RGS6: variants seen among roughly 807,000 people sequenced by gnomAD.
The protein encoded by RGS6 is regulator of G protein signaling 6, also known as regulator of G-protein signaling 6.
Under a neutral mutation model 78.5 loss-of-function variants are expected in RGS6, and 30 were observed. The ratio of observed to expected loss-of-function variants is 0.38; its 90% CI spans 0.29 to 0.52. The LOEUF is 0.52. RGS6 is among the 20% of genes least tolerant of loss of function. RGS6 has a pLI of 0.85. For missense variants in RGS6, 495 were observed against 609.7 expected (o/e 0.81, Z 1.98); for synonymous variants, 206 against 206.0 (o/e 1.00, Z 0.00).
At chr14:72,049,631 G>T (rs1446617960) in intron 2 of RGS6, among the ~76,000 whole-genome samples, 1 of 152,148 alleles carries the variant, frequency 6.6e-6, no homozygotes. Flanking sequence ...ACACAGAGTG[G>T]CTGGCTACTG....
At chr14:72,169,114 G>A (rs2096972562) in intron 2 of RGS6, among the ~76,000 whole-genome samples, 1 of 152,182 alleles carries the variant, frequency 6.6e-6, no homozygotes, top group Admixed American at 6.5e-5. Context: ...GTTATTCTTT[G>A]GGTGAAACAG....
At chr14:72,539,316 G>A (rs1567082814) in intron 16 of RGS6, among the ~76,000 whole-genome samples, 1 of 152,128 alleles carries the variant, frequency 6.6e-6, no homozygotes, top group African/African-American at 2.4e-5. Context: ...CAGGTGTTAT[G>A]TCACCTTTTG....
intron 3 of RGS6, among the ~76,000 whole-genome samples, chr14:72,390,490 T>C (rs924178293): frequency 9.9e-5 from 15 of 152,098 alleles, no homozygotes; most frequent in African/African-American, 3.6e-4. Context: ...CAAAAAGATT[T>C]AGTGGGAAGA....
chr14:71,962,040 A>G (rs1388127655), intron 1 of RGS6, among the ~76,000 whole-genome samples: 1 of 152,248 alleles, frequency 6.6e-6, no homozygotes, highest in African/African-American at 2.4e-5. Context: ...CTGTTGACCT[A>G]TGGACTAGAA....
chr14:72,089,864 G>A (rs891521760), intron 2 of RGS6, among the ~76,000 whole-genome samples: 6 of 152,054 alleles, frequency 3.9e-5, no homozygotes, highest in African/African-American at 1.2e-4. Context: ...TCCAAAGGAC[G>A]GTCCTTCCTT....
chr14:72,407,527 A>G (rs913456771), intron 3 of RGS6, among the ~76,000 whole-genome samples: 1 of 152,226 alleles, frequency 6.6e-6, no homozygotes, highest in African/African-American at 2.4e-5. Context: ...AAGTACTCAG[A>G]TATTTGGTCA....
intron 2 of RGS6, among the ~76,000 whole-genome samples, chr14:72,097,548 G>T (rs2095434117): frequency 6.6e-6 from 1 of 152,160 alleles, no homozygotes; most frequent in Non-Finnish European, 1.5e-5. Context: ...AAACAGGAAG[G>T]CCGCAATTAG....
At chr14:72,528,623 AAG>A (rs2097146300) in intron 15 of RGS6, among the ~76,000 whole-genome samples, 1 of 152,154 alleles carries the variant, frequency 6.6e-6, no homozygotes, top group African/African-American at 2.4e-5. Context: ...TAGAAAGAGA[AAG>A]AGAGAGAGGG....
intron 15 of RGS6, among the ~76,000 whole-genome samples, chr14:72,523,165 G>A (rs1452344425): frequency 6.6e-6 from 1 of 152,150 alleles, no homozygotes; most frequent in Non-Finnish European, 1.5e-5. Flanking sequence ...GCACTCAGAT[G>A]TCCTCGCTTG....
At chr14:72,139,004 A>G (rs779776227) in intron 2 of RGS6, among the ~76,000 whole-genome samples, 8 of 152,124 alleles carry the variant, frequency 5.3e-5, no homozygotes, top group Non-Finnish European at 1.2e-4. Context: ...CCATGGAAAA[A>G]TTGTCTTCCA....
At chr14:72,003,381 C>T (rs558371628) in intron 2 of RGS6, among the ~76,000 whole-genome samples, 55 of 152,292 alleles carry the variant, frequency 3.6e-4, no homozygotes, top group African/African-American at 1.2e-3. Flanking sequence ...TCTTAATGTA[C>T]GGTTCGGTGG....
intron 3 of RGS6, among the ~76,000 whole-genome samples, chr14:72,397,355 G>A: frequency 6.6e-6 from 1 of 151,752 alleles, no homozygotes; most frequent in East Asian, 1.9e-4. Context: ...CTGTTTGTCT[G>A]TTATTGGTGT....
At position 72,470,000 on chromosome 14, in the gene RGS6, T is replaced by G; in HGVS notation, c.460-7T>G. The G allele has an allele frequency of 6.2e-7, 1 of 1,607,362 alleles. No individual in the cohort carries two copies. The highest frequency in any genetic ancestry group is 8.5e-7 in the Non-Finnish European group (1 of 1,174,254). On this transcript the variant is annotated splice_polypyrimidine_tract_variant and splice_region_variant and intron_variant, in intron 7 of 17. Coordinates refer to ENST00000553525, the MANE Select transcript of RGS6 (RefSeq NM_001204424.2). ...ATGCCGCCTTGTTGATTTTCATTTC[T>G]CATTAGGAAAACTTAGCAAGACTCC...
intron 1 of RGS6, among the ~76,000 whole-genome samples, chr14:71,934,308 G>T (rs954157570): frequency 6.6e-6 from 1 of 152,166 alleles, no homozygotes; most frequent in Non-Finnish European, 1.5e-5. Context: ...TATATGTAGA[G>T]AGAGTCTATT....
chr14:72,527,849 GTC>G (rs1218951245), intron 15 of RGS6, among the ~76,000 whole-genome samples: 1 of 152,184 alleles, frequency 6.6e-6, no homozygotes, highest in Non-Finnish European at 1.5e-5. Flanking sequence ...AGCTCCCAAA[GTC>G]TGGATGTGAT....
At chr14:71,967,200 T>TATA (rs997041223) in intron 2 of RGS6, among the ~76,000 whole-genome samples, 1 of 151,130 alleles carries the variant, frequency 6.6e-6, no homozygotes, top group Non-Finnish European at 1.5e-5. Flanking sequence ...TATATATATA[T>TATA]ATATATATAT....
chr14:72,447,919 G>T (rs2095407545), intron 3 of RGS6, among the ~76,000 whole-genome samples: 1 of 152,124 alleles, frequency 6.6e-6, no homozygotes, highest in Non-Finnish European at 1.5e-5. Context: ...GGCCAGGCTG[G>T]TCTCAAAATC....
the RGS6 span, among the ~76,000 whole-genome samples, chr14:72,582,959 A>T: frequency 6.6e-6 from 1 of 151,870 alleles, no homozygotes; most frequent in Non-Finnish European, 1.5e-5. Context: ...AAAAAAAAAA[A>T]ATTGCCCTTA....
chr14:72,193,472 C>T (rs1285067185), intron 2 of RGS6, among the ~76,000 whole-genome samples: 2 of 152,190 alleles, frequency 1.3e-5, no homozygotes, highest in East Asian at 3.9e-4. Context: ...TCATTCAACC[C>T]ATATTTACTG....
Sources: allele counts gnomAD v4.1 joint callset (sites outside exome capture counted in the v4.1 genomes callset), GRCh38; gene constraint gnomAD v4.1.1; transcripts MANE v1.5; gene names NCBI Gene and HGNC (gene_info 2026-07-23, HGNC 2026-07-21).